Variants in PAX3 observed in about 807,000 individuals in gnomAD.
The protein encoded by PAX3 is paired box protein Pax-3.
In PAX3, 14 loss-of-function variants were observed where a neutral mutation model predicts 51.6. That is an observed-to-expected ratio of 0.27 (90% CI 0.18 to 0.42). The LOEUF (loss-of-function observed/expected upper bound fraction) is 0.42. Ranked by LOEUF, PAX3 falls within the 10% of genes least tolerant of loss-of-function variation. PAX3 has a pLI of 1.00. For missense variants in PAX3, 540 were observed against 642.8 expected (o/e 0.84, Z 1.73); for synonymous variants, 280 against 253.4 (o/e 1.11, Z -1.00).
intron 3 of PAX3, among the ~76,000 whole-genome samples, chr2:222,294,884 G>A (rs1205339071): frequency 2.1e-5 from 3 of 141,474 alleles, no homozygotes; most frequent in Non-Finnish European, 3.1e-5. Context: ...AAAATCAAAA[G>A]AAAATGCACT....
Position 222,256,772 on chromosome 2 carries a change from C to T in PAX3, c.587-24489G>A, listed in dbSNP as rs557616123. Among the ~76,000 whole-genome samples the T allele has an allele frequency of 3.9e-5, 6 of 152,266 alleles. No individual in the cohort carries two copies. The South Asian group carries it at 8.3e-4, about 21-fold the overall frequency. ...CACAATTTGTTTTAGAGAAAGTAAC[C>T]TGACATCATCTCAGAAAGCAGTCAT... is the stretch of plus-strand genomic sequence containing the variant. On this transcript the variant is annotated intron_variant, in intron 4 of 8. Coordinates refer to ENST00000392070, the MANE Select transcript of PAX3 (RefSeq NM_181458.4).
At chr2:222,248,434 T>C (rs900275582) in intron 4 of PAX3, among the ~76,000 whole-genome samples, 4 of 152,214 alleles carry the variant, frequency 2.6e-5, no homozygotes, top group South Asian at 2.1e-4. Context: ...AAGCATTCAC[T>C]GAACCTCACA....
intron 3 of PAX3, 105 bp downstream of exon 3, chr2:222,295,423 C>G (rs1364524826): frequency 7.2e-7 from 1 of 1,390,688 alleles, no homozygotes; most frequent in Non-Finnish European, 1.0e-6. Flanking sequence ...GAGGCCACCT[C>G]CCAATAGCTG....
chr2:222,218,007 A>G (rs1692032339), intron 7 of PAX3, among the ~76,000 whole-genome samples: 1 of 152,158 alleles, frequency 6.6e-6, no homozygotes, highest in South Asian at 2.1e-4. Context: ...ATTTCATATT[A>G]TTTGTCTCTT....
chr2:222,292,711 A>G (rs915438174), intron 4 of PAX3, among the ~76,000 whole-genome samples: 1 of 152,200 alleles, frequency 6.6e-6, no homozygotes, highest in Non-Finnish European at 1.5e-5. Flanking sequence ...GGCCTGGGAT[A>G]AAAGCCAAGG....
intron 5 of PAX3, among the ~76,000 whole-genome samples, chr2:222,228,423 T>C (rs374044721): frequency 6.6e-5 from 10 of 152,184 alleles, no homozygotes; most frequent in African/African-American, 2.2e-4. Context: ...TTATTATCCT[T>C]TGACATTCAT....
chr2:222,244,099 T>C (rs190967844), intron 4 of PAX3, among the ~76,000 whole-genome samples: 2 of 152,262 alleles, frequency 1.3e-5, no homozygotes, highest in East Asian at 3.9e-4. Context: ...ATCCAACCAA[T>C]GGACCTAGGG....
intron 4 of PAX3, among the ~76,000 whole-genome samples, chr2:222,246,309 G>C (rs1693225507): frequency 6.6e-6 from 1 of 152,106 alleles, no homozygotes; most frequent in Non-Finnish European, 1.5e-5. Context: ...ACTATGTCAA[G>C]ACAGATGCCA....
At chr2:222,222,423 T>G (rs965233006) in intron 5 of PAX3, among the ~76,000 whole-genome samples, 59 of 151,592 alleles carry the variant, frequency 3.9e-4, no homozygotes, top group Non-Finnish European at 6.5e-4. Context: ...TTTTTTTTTT[T>G]GAGACAGTCT....
In PAX3 at chr2:222,294,312, G is replaced by C. The variant is rs758732525; in HGVS notation, c.452-11C>G. On this transcript the variant is annotated splice_polypyrimidine_tract_variant and intron_variant, in intron 3 of 8. Coordinates refer to ENST00000392070, the MANE Select transcript of PAX3 (RefSeq NM_181458.4). The stretch of plus-strand genomic sequence containing the variant: ...GGCTGATGGAACTCACTGGGGGCGG[G>C]AGGAGGAAGGAAGCAAGGGAGCGCA... 3 of 1,614,102 alleles carry C rather than the reference G, an allele frequency of 1.9e-6. No individual in the cohort carries two copies. The highest frequency in any genetic ancestry group is 1.1e-5 in the South Asian group (1 of 91,088).
At chr2:222,269,442 A>T (rs886117318) in intron 4 of PAX3, among the ~76,000 whole-genome samples, 4 of 152,190 alleles carry the variant, frequency 2.6e-5, no homozygotes, top group African/African-American at 9.7e-5. Context: ...GCTGCCATTC[A>T]TTTGCAGATA....
Position 222,202,202 on chromosome 2 carries a change from G to A in PAX3, c.1174-12C>T. The A allele has an allele frequency of 6.4e-7, 1 of 1,554,262 alleles. No homozygotes were observed. Among genetic ancestry groups the A allele is most frequent in the South Asian group, 1.2e-5 (1 of 86,566 alleles). ...AGGAGTCCCATTACCTAAAAAAACA[G>A]CCAGATTGGGAAGAGGTTAAAATGC... On this transcript the variant is annotated splice_polypyrimidine_tract_variant and intron_variant, in intron 7 of 8. Coordinates refer to ENST00000392070, the MANE Select transcript of PAX3 (RefSeq NM_181458.4).
At chr2:222,226,872 T>C (rs1199637088) in intron 5 of PAX3, among the ~76,000 whole-genome samples, 4 of 151,708 alleles carry the variant, frequency 2.6e-5, no homozygotes, top group African/African-American at 9.7e-5. Flanking sequence ...AGAAAGGTAT[T>C]TGAGCACATA....
In PAX3 at chr2:222,296,995, C is replaced by T; in HGVS notation, c.304G>A (p.Gly102Ser). Residue 102 changes from glycine to serine, a missense_variant, in exon 2 of 9, where the codon GGC (glycine) becomes AGC (serine). Physicochemically the swap from Gly to Ser is moderately conservative, Grantham distance 56 (BLOSUM62 0). Transcript: ENST00000392070. ...ETGSIRPGAIGGSKPKQVTTP... is the reference protein window; with the variant it reads ...ETGSIRPGAISGSKPKQVTTP... ...CCGCTCACCTTGGGCTTGCTGCCGC[C>T]GATGGCACCAGGACGTATGGAGCCA... 1 of 1,613,324 alleles carries T rather than the reference C, an allele frequency of 6.2e-7. No individual in the cohort carries two copies. Among genetic ancestry groups the T allele is most frequent in the East Asian group, 2.2e-5 (1 of 44,852 alleles).
chr2:222,202,167 G>A lies in PAX3; in HGVS notation c.1197C>T (p.His399=), dbSNP rs377508524. ...SPQVMGLLTN[H]GGVPHQPQTD... is the part of the protein sequence containing the mutation. ...TCTGGGGCTGATGAGGTACCCCACC[G>A]TGGTTGGTCAGGAGTCCCATTACCT... is the stretch of plus-strand genomic sequence containing the variant. Residue 399 remains histidine, a synonymous_variant, in exon 8 of 9, where the codon CAC becomes CAT. Transcript: ENST00000392070. The A allele has an allele frequency of 9.4e-5, 151 of 1,603,360 alleles. No individual in the cohort carries two copies. The highest frequency in any genetic ancestry group is 3.9e-4 in the African/African-American group (29 of 74,816).
At chr2:222,234,636 T>C (rs542920456) in intron 4 of PAX3, among the ~76,000 whole-genome samples, 203 of 152,282 alleles carry the variant, frequency 1.3e-3, no homozygotes, top group South Asian at 4.1e-3. Flanking sequence ...CTCCAAGAGT[T>C]TGCATGTCTA....
chr2:222,241,871 A>G (rs944655531), intron 4 of PAX3, among the ~76,000 whole-genome samples: 5 of 152,256 alleles, frequency 3.3e-5, no homozygotes, highest in South Asian at 2.1e-4. Context: ...AATTAACTCT[A>G]TGAAATAGGA....
intron 3 of PAX3, among the ~76,000 whole-genome samples, chr2:222,294,548 G>A: frequency 6.6e-6 from 1 of 151,764 alleles, no homozygotes; most frequent in African/African-American, 2.4e-5. Flanking sequence ...TGGGAAAACC[G>A]TGCCTCCAAG....
chr2:222,279,607 T>C (rs1009584081), intron 4 of PAX3, among the ~76,000 whole-genome samples: 18 of 152,240 alleles, frequency 1.2e-4, no homozygotes, highest in Admixed American at 5.9e-4. Flanking sequence ...ACAGTTCTTT[T>C]TATTTTTCCT....
Sources: allele counts gnomAD v4.1 joint callset (sites outside exome capture counted in the v4.1 genomes callset), GRCh38; gene constraint gnomAD v4.1.1; transcripts MANE v1.5; gene names NCBI Gene and HGNC (gene_info 2026-07-23, HGNC 2026-07-21).